Variants in CTNNA1 observed in about 807,000 individuals in gnomAD.
The protein encoded by CTNNA1 is catenin alpha-1.
In CTNNA1, 37 loss-of-function variants were observed where a neutral mutation model predicts 98.4. That is an observed-to-expected ratio of 0.38 (90% CI 0.29 to 0.49). CTNNA1 has a LOEUF of 0.49. Ranked by LOEUF, CTNNA1 falls within the 20% of genes least tolerant of loss-of-function variation. The pLI is 0.95. For missense variants in CTNNA1, 761 were observed against 1,147.2 expected, an observed-to-expected ratio of 0.66 and a Z score of 4.86; for synonymous variants, 404 against 413.2, an observed-to-expected ratio of 0.98 and a Z score of 0.27.
At position 138,784,887 on chromosome 5, in the gene CTNNA1, A is replaced by G. The variant is rs1212045296; in HGVS notation, c.301+1515A>G. ...TGTGTCCAAGTTTCCCTCTTCTTAT[A>G]AGGACATCAACCATTGAATTAGGGC... On this transcript the variant is annotated intron_variant, in intron 3 of 17. Transcript: ENST00000302763. 7.9e-5 allele frequency among the ~76,000 whole-genome samples: 12 copies of G among 152,112 alleles called. No individual in the cohort carries two copies. The East Asian group carries it at 2.1e-3, about 27-fold the overall frequency.
chr5:138,891,705 A>G (rs1360835139), intron 9 of CTNNA1, among the ~76,000 whole-genome samples: 6 of 152,162 alleles, frequency 3.9e-5, no homozygotes, highest in South Asian at 4.1e-4. Flanking sequence ...GTTGCAGTCA[A>G]CCGAGGTTGT....
At chr5:138,843,054 G>T (rs1376796933) in intron 7 of CTNNA1, among the ~76,000 whole-genome samples, 2 of 152,192 alleles carry the variant, frequency 1.3e-5, no homozygotes, top group Non-Finnish European at 2.9e-5. Context: ...TTAAGGTATT[G>T]ATCAAGTGTG....
chr5:138,772,027 G>A (rs1033791217), intron 1 of CTNNA1, among the ~76,000 whole-genome samples: 5 of 152,094 alleles, frequency 3.3e-5, no homozygotes, highest in African/African-American at 1.2e-4. Context: ...GCATGATTTG[G>A]CCATTCTTTT....
chr5:138,836,573 C>T (rs1159731529), intron 7 of CTNNA1, among the ~76,000 whole-genome samples: 2 of 152,166 alleles, frequency 1.3e-5, no homozygotes, highest in Non-Finnish European at 2.9e-5. Context: ...TCTCTAATAC[C>T]AGAAAGATGC....
chr5:138,885,572 A>G (rs559664662), intron 7 of CTNNA1, among the ~76,000 whole-genome samples: 1 of 152,296 alleles, frequency 6.6e-6, no homozygotes, highest in East Asian at 1.9e-4. Context: ...CTCTGAAGAC[A>G]TGCTGTTTTA....
Position 138,837,690 on chromosome 5 carries a change from C to T in CTNNA1, c.1062+9972C>T, listed in dbSNP as rs1469594795. Among the ~76,000 whole-genome samples, 4 of 151,558 alleles carry T rather than the reference C, an allele frequency of 2.6e-5. No homozygotes were observed. The East Asian group carries it at 5.8e-4, about 22-fold the overall frequency. ...GGCTGGGACTGCAGTGGTGCAATCA[C>T]AGCTCACTGCAGCCTTGACTTCCCA... is the stretch of plus-strand genomic sequence containing the variant. On this transcript the variant is annotated intron_variant, in intron 7 of 17. Coordinates refer to ENST00000302763, the MANE Select transcript of CTNNA1 (RefSeq NM_001903.5).
At chr5:138,907,649 G>A (rs978759825) in intron 10 of CTNNA1, among the ~76,000 whole-genome samples, 1 of 152,216 alleles carries the variant, frequency 6.6e-6, no homozygotes, top group Non-Finnish European at 1.5e-5. Context: ...CAACATGTTA[G>A]GTAACTAGGG....
intron 3 of CTNNA1, among the ~76,000 whole-genome samples, chr5:138,803,616 T>TG (rs1264653913): frequency 1.3e-5 from 2 of 152,224 alleles, no homozygotes; most frequent in African/African-American, 4.8e-5. Flanking sequence ...ATCTTTGACT[T>TG]GGTGTTCCCT....
intron 2 of CTNNA1, among the ~76,000 whole-genome samples, chr5:138,782,905 A>G (rs1755284897): frequency 6.6e-6 from 1 of 152,226 alleles, no homozygotes; most frequent in South Asian, 2.1e-4. Flanking sequence ...ATCATTTTTT[A>G]ATTTGTAAAA....
chr5:138,921,596 A>ATTTTTTTTTTTTTTTTTT (rs386405098), intron 11 of CTNNA1, among the ~76,000 whole-genome samples: 1 of 104,048 alleles, frequency 9.6e-6, no homozygotes, highest in African/African-American at 4.1e-5. Flanking sequence ...ATTAGTGGTG[A>ATTTTTTTTTTTTTTTTTT]TTTTTTTTTT....
chr5:138,851,327 T>G (rs1399336738), intron 7 of CTNNA1, among the ~76,000 whole-genome samples: 4 of 152,170 alleles, frequency 2.6e-5, no homozygotes, highest in Admixed American at 1.3e-4. Context: ...CTCCAGAGGT[T>G]GTTCAGTTGA....
At position 138,766,833 on chromosome 5, in the gene CTNNA1, C is replaced by T. The variant is rs749684014; in HGVS notation, c.-3+13323C>T. ...ATGCAGCTCTGGTGAAGGCATGTCT[C>T]GTCACTTCCCACCTTCACTGTGGTA... On this transcript the variant is annotated intron_variant, in intron 1 of 17. Transcript: ENST00000302763. Among the ~76,000 whole-genome samples, 8 of 152,176 alleles carry T rather than the reference C, an allele frequency of 5.3e-5. 1 individual carries two copies. The East Asian group carries it at 1.5e-3, about 29-fold the overall frequency.
At chr5:138,756,019 A>C (rs1327611445) in intron 1 of CTNNA1, among the ~76,000 whole-genome samples, 1 of 127,038 alleles carries the variant, frequency 7.9e-6, no homozygotes, top group Non-Finnish European at 1.7e-5. Context: ...GCAAGCTACC[A>C]CGCCCGGCTT....
At chr5:138,926,564 C>G (rs1054761991) in intron 13 of CTNNA1, among the ~76,000 whole-genome samples, 1 of 152,146 alleles carries the variant, frequency 6.6e-6, no homozygotes, top group Non-Finnish European at 1.5e-5. Context: ...CTCTGCATCC[C>G]ATGTCTGTGT....
rs755543443 is a variant in CTNNA1, at chr5:138,824,665, G to A, written c.724G>A (p.Asp242Asn). 2 of 1,614,182 alleles carry A rather than the reference G, an allele frequency of 1.2e-6. No homozygotes were observed. Among genetic ancestry groups the A allele is most frequent in the Non-Finnish European group, 8.5e-7 (1 of 1,180,044 alleles). ...PDVAAYKANRDLIYKQLQQAV... is the reference protein window; with the variant it reads ...PDVAAYKANRNLIYKQLQQAV... ...TGTCGCAGCCTATAAGGCCAACAGG[G>A]ACCTGATATACAAGCAGCTGCAGCA... Residue 242 changes from aspartate to asparagine, a missense_variant, in exon 6 of 18, where the codon GAC becomes AAC. Transcript: ENST00000302763.
intron 2 of CTNNA1, chr5:138,782,503 T>C (rs1755232295): frequency 3.5e-6 from 1 of 281,902 alleles, no homozygotes; most frequent in South Asian, 3.2e-5. Context: ...TTTAGTGTTT[T>C]ACAATAGTAT....
chr5:138,876,259 A>G (rs1056738940), intron 7 of CTNNA1, among the ~76,000 whole-genome samples: 2 of 152,244 alleles, frequency 1.3e-5, no homozygotes, highest in African/African-American at 4.8e-5. Context: ...CTGAAATAAT[A>G]GAGCATTTGC....
chr5:138,837,443 C>T (rs1761885629), intron 7 of CTNNA1, among the ~76,000 whole-genome samples: 1 of 150,270 alleles, frequency 6.7e-6, no homozygotes, highest in Non-Finnish European at 1.5e-5. Context: ...TTTTCTTCTT[C>T]TTTCCTCCTG....
At chr5:138,836,122 A>G (rs1206148121) in intron 7 of CTNNA1, among the ~76,000 whole-genome samples, 4 of 152,194 alleles carry the variant, frequency 2.6e-5, no homozygotes, top group Non-Finnish European at 5.9e-5. Flanking sequence ...AAGTGTTGGG[A>G]TTACAGGTGT....
Sources: allele counts gnomAD v4.1 joint callset (sites outside exome capture counted in the v4.1 genomes callset), GRCh38; gene constraint gnomAD v4.1.1; transcripts MANE v1.5; gene names NCBI Gene and HGNC (gene_info 2026-07-23, HGNC 2026-07-21).